The following SMIM31 variants were observed in gnomAD, a reference collection of about 807,000 sequenced individuals.
SMIM31 encodes the protein small integral membrane protein 31, also known as human epithelial cell program regulator.
chr4:164,788,932 C>T (rs996581028), intron 2 of SMIM31, among the ~76,000 whole-genome samples: 9 of 151,858 alleles, frequency 5.9e-5, no homozygotes, highest in African/African-American at 1.7e-4. Flanking sequence ...TTATCACTCC[C>T]GAAAGAAAAA....
rs78298029 is a variant in SMIM31, at chr4:164,802,437, A to G, written c.*1243A>G. 8,699 of 152,286 alleles carry G rather than the reference A, an allele frequency of 0.057. 263 individuals carry two copies. Among genetic ancestry groups the G allele is most frequent in the Non-Finnish European group, 0.078 (5,337 of 68,054 alleles). The allele number at this position is 152,286 out of a possible 1,614,324, so 9.4% of individuals were successfully genotyped here. On this transcript the variant is annotated 3_prime_UTR_variant, in exon 3 of 3. Coordinates refer to ENST00000507311, the MANE Select transcript of SMIM31 (RefSeq NM_001352885.1). Reference sequence around the variant, plus strand: ...TTGTTTGTAGAACCAAGGCCTCTCTATGTTGCCTAGGCTGGTCTCCAAATC... The same window carrying G: ...TTGTTTGTAGAACCAAGGCCTCTCTGTGTTGCCTAGGCTGGTCTCCAAATC...
chr4:164,756,819 A>T (rs531088186), intron 1 of SMIM31, among the ~76,000 whole-genome samples: 1 of 152,278 alleles, frequency 6.6e-6, no homozygotes, highest in East Asian at 1.9e-4. Flanking sequence ...TAATTTGTGT[A>T]TCCATTCTCT....
chr4:164,767,606 C>T (rs1732736225), intron 1 of SMIM31, among the ~76,000 whole-genome samples: 1 of 152,176 alleles, frequency 6.6e-6, no homozygotes, highest in Non-Finnish European at 1.5e-5. Context: ...TCTTCAGATG[C>T]TCCATCAAGG....
At chr4:164,772,669 C>G (rs1216997747) in intron 2 of SMIM31, among the ~76,000 whole-genome samples, 1 of 151,254 alleles carries the variant, frequency 6.6e-6, no homozygotes, top group Non-Finnish European at 1.5e-5. Context: ...AGCTCCGCCT[C>G]CCGGGTTCAC....
chr4:164,774,874 C>G (rs1403658812), intron 2 of SMIM31, among the ~76,000 whole-genome samples: 1 of 152,038 alleles, frequency 6.6e-6, no homozygotes, highest in East Asian at 1.9e-4. Context: ...CATTCCAGTA[C>G]CATTTATTCT....
At chr4:164,785,835 A>G (rs1278285564) in intron 2 of SMIM31, among the ~76,000 whole-genome samples, 1 of 152,130 alleles carries the variant, frequency 6.6e-6, no homozygotes, top group Non-Finnish European at 1.5e-5. Context: ...AGTTTCTTAT[A>G]ATGGAAGAAG....
rs1733288318 is a variant in SMIM31 at position 164,801,864 on chromosome 4, G to A, written c.*670G>A. The A allele has an allele frequency of 6.6e-6, 1 of 152,008 alleles. No homozygotes were observed. Among genetic ancestry groups the A allele is most frequent in the South Asian group, 2.1e-4 (1 of 4,814 alleles). The allele number at this position is 152,008 out of a possible 1,614,324, so 9.4% of individuals were successfully genotyped here. On this transcript the variant is annotated 3_prime_UTR_variant, in exon 3 of 3. Transcript: ENST00000507311. Reference sequence around the variant, plus strand: ...AAATCCTTAATGTGTAAGCATCCAGGAAAATTTGTCATTCTGTGTCCTTTA... The same window carrying A: ...AAATCCTTAATGTGTAAGCATCCAGAAAAATTTGTCATTCTGTGTCCTTTA...
chr4:164,780,118 C>T (rs1401509798), intron 2 of SMIM31, among the ~76,000 whole-genome samples: 2 of 152,302 alleles, frequency 1.3e-5, no homozygotes, highest in African/African-American at 2.4e-5. Context: ...CAGATAATCC[C>T]TTAATCATAT....
intron 2 of SMIM31, among the ~76,000 whole-genome samples, chr4:164,773,923 T>C (rs1038731525): frequency 1.3e-5 from 2 of 152,104 alleles, no homozygotes; most frequent in African/African-American, 4.8e-5. Context: ...TCCCAGCACT[T>C]TGGGAGGCCG....
At chr4:164,799,363 C>A (rs1733253776) in intron 2 of SMIM31, among the ~76,000 whole-genome samples, 1 of 151,738 alleles carries the variant, frequency 6.6e-6, no homozygotes, top group African/African-American at 2.4e-5. Context: ...CCAGCCTGGG[C>A]AACAGAGCAA....
intron 1 of SMIM31, among the ~76,000 whole-genome samples, chr4:164,762,662 C>CAAAAAAAAAAAAAAA (rs1162067333): frequency 1.0e-5 from 1 of 100,114 alleles, no homozygotes. Context: ...GACTCTGTCT[C>CAAAAAAAAAAAAAAA]AAAAAAAAAA....
intron 2 of SMIM31, among the ~76,000 whole-genome samples, chr4:164,788,159 G>C (rs1733050935): frequency 6.6e-6 from 1 of 152,160 alleles, no homozygotes; most frequent in Non-Finnish European, 1.5e-5. Flanking sequence ...GTCCCTGTTT[G>C]GAAGAATGTT....
At chr4:164,768,441 AAAG>A (rs1732750209) in intron 1 of SMIM31, among the ~76,000 whole-genome samples, 2 of 151,584 alleles carry the variant, frequency 1.3e-5, no homozygotes, top group South Asian at 2.1e-4. Context: ...AAAAAAAAAA[AAAG>A]AATGAGGATT....
chr4:164,761,978 G>A (rs1047933281), intron 1 of SMIM31, among the ~76,000 whole-genome samples: 1 of 151,820 alleles, frequency 6.6e-6, no homozygotes, highest in African/African-American at 2.4e-5. Context: ...GGTCTCTGAT[G>A]CTTTGCGTTG....
chr4:164,762,091 C>G (rs991841908), intron 1 of SMIM31, among the ~76,000 whole-genome samples: 1 of 152,166 alleles, frequency 6.6e-6, no homozygotes, highest in East Asian at 1.9e-4. Flanking sequence ...ACCCCCAAAG[C>G]TCACACAGAG....
intron 1 of SMIM31, among the ~76,000 whole-genome samples, chr4:164,763,265 C>T (rs979338176): frequency 6.6e-6 from 1 of 152,104 alleles, no homozygotes; most frequent in Admixed American, 6.5e-5. Flanking sequence ...TTTCCTATTT[C>T]CTATTCTCTT....
intron 2 of SMIM31, among the ~76,000 whole-genome samples, chr4:164,796,451 G>A (rs1484933808): frequency 2.0e-5 from 3 of 151,980 alleles, no homozygotes; most frequent in Non-Finnish European, 2.9e-5. Flanking sequence ...CCTCTCTATC[G>A]GTACACATTC....
At chr4:164,777,863 T>G (rs1385022697) in intron 2 of SMIM31, among the ~76,000 whole-genome samples, 2 of 152,244 alleles carry the variant, frequency 1.3e-5, no homozygotes, top group Non-Finnish European at 2.9e-5. Flanking sequence ...GTCTTAGGTT[T>G]TAAAACTTGA....
At chr4:164,795,317 G>C (rs534530332) in intron 2 of SMIM31, among the ~76,000 whole-genome samples, 1 of 152,176 alleles carries the variant, frequency 6.6e-6, no homozygotes, top group South Asian at 2.1e-4. Flanking sequence ...CAGCACTTTG[G>C]GAGGCCAAGG....
Sources: gnomAD v4.1 joint callset for allele counts (sites outside exome capture counted in the v4.1 genomes callset) on GRCh38, gnomAD v4.1.1 for gene constraint, MANE v1.5 for transcripts, NCBI Gene and HGNC (gene_info 2026-07-23, HGNC 2026-07-21) for gene names.